Variants in ZC3H10 observed in about 807,000 individuals in gnomAD.
The protein encoded by ZC3H10 is zinc finger CCCH domain-containing protein 10.
In ZC3H10, 12 loss-of-function variants were observed where a neutral mutation model predicts 24.3. The observed-to-expected ratio is 0.49, with a 90% CI of 0.32 to 0.80. ZC3H10 has a LOEUF of 0.80. Among genes scored for constraint, ZC3H10 ranks in the 30% least tolerant of loss-of-function variants. The pLI is 0.04. For missense variants in ZC3H10, 360 were observed against 576.3 expected (o/e 0.62, Z 3.84); for synonymous variants, 226 against 217.0 (o/e 1.04, Z -0.36).
At position 56,122,848 on chromosome 12, in the gene ZC3H10, TTACA is replaced by T. The variant is rs1442637431; in HGVS notation, c.*984_*987del. 5 of 152,266 alleles carry T rather than the reference TTACA, an allele frequency of 3.3e-5. No individual in the cohort carries two copies. Among genetic ancestry groups the T allele is most frequent in the African/African-American group, 1.2e-4 (5 of 41,450 alleles). The allele number at this position is 152,266 out of a possible 1,614,324, so 9.4% of individuals were successfully genotyped here. A position where few individuals can be genotyped will look rare whatever the true frequency, so the allele number is the denominator to read the frequency against. On this transcript the variant is annotated 3_prime_UTR_variant, in exon 3 of 3. Transcript: ENST00000257940. ...TATTTGCTGAAATGCGGATGGGATG[TTACA>T]TAGTTGACAGATCCTTATTCAAACA...
chr12:56,121,672 T>A lies in ZC3H10; in HGVS notation c.1110T>A (p.Ala370=). 6.2e-7 allele frequency: 1 copy of A among 1,610,726 alleles called. No individual in the cohort carries two copies. The highest frequency in any genetic ancestry group is 8.5e-7 in the Non-Finnish European group (1 of 1,179,614). ...PEITPLSAAL[A]QTIAQGMAPP... ...TCACGCCACTGTCAGCTGCCCTGGC[T>A]CAAACAATTGCCCAGGGAATGGCAC... The change falls in exon 3 of 3, where the codon GCT becomes GCA. Residue 370 remains alanine (A), a synonymous_variant. Transcript: ENST00000257940. The surrounding 1 kb of genome is among the most constrained non-coding windows in gnomAD (Gnocchi z 6.2).
At chr12:56,120,437 C>G (rs777131727) in intron 2 of ZC3H10, 74 bp from the exon 3 acceptor site, 18 of 1,393,116 alleles carry the variant, frequency 1.3e-5, no homozygotes, top group Non-Finnish European at 1.7e-5. Flanking sequence ...CCCTCTGGGC[C>G]ACCTGCTTTA....
In ZC3H10 at chr12:56,122,999, G is replaced by T. The variant is rs1437368965; in HGVS notation, c.*1132G>T. The T allele has an allele frequency of 6.6e-6, 1 of 152,220 alleles. No individual in the cohort carries two copies. The highest frequency in any genetic ancestry group is 1.9e-4 in the East Asian group (1 of 5,196). The allele number at this position is 152,220 out of a possible 1,614,324, so 9.4% of individuals were successfully genotyped here. ...CAGTTCCTGAAGCCTTCAAGGCTTG[G>T]GAGGTCTGGGAAAAGAGAGTCCTTC... On this transcript the variant is annotated 3_prime_UTR_variant, in exon 3 of 3. Coordinates refer to ENST00000257940, the MANE Select transcript of ZC3H10 (RefSeq NM_032786.3).
chr12:56,118,786 C>T (rs1869717836), intron 1 of ZC3H10: 1 of 152,240 alleles, frequency 6.6e-6, no homozygotes, highest in African/African-American at 2.4e-5. Flanking sequence ...CTAGCCATTA[C>T]TAACTCCAGC....
rs1319843906 is a variant in ZC3H10, at chr12:56,122,410, G to C, written c.*543G>C. On this transcript the variant is annotated 3_prime_UTR_variant, in exon 3 of 3. Coordinates refer to ENST00000257940, the MANE Select transcript of ZC3H10 (RefSeq NM_032786.3). Reference sequence around the variant, plus strand: ...GTGCTCCAGCCCAAAGACTAGGGGAGCATTCATTACCCTAGTTTGACCTGA... The same window carrying C: ...GTGCTCCAGCCCAAAGACTAGGGGACCATTCATTACCCTAGTTTGACCTGA... 1.8e-5 allele frequency: 3 copies of C among 167,940 alleles called. No homozygotes were observed. In the East Asian group the frequency reaches 5.8e-4, roughly 32 times the overall value. 10.4% of individuals were successfully genotyped at this position (167,940 alleles called of 1,614,324 possible). A position where few individuals can be genotyped will look rare whatever the true frequency, so the allele number is the denominator to read the frequency against.
intron 1 of ZC3H10, 157 bp from the exon 2 acceptor site, chr12:56,118,931 A>C (rs754946600): frequency 6.6e-6 from 1 of 152,576 alleles, no homozygotes; most frequent in South Asian, 2.1e-4. Flanking sequence ...CTTACTGGCA[A>C]CTTCTCCCTT....
rs980281477 is a variant in ZC3H10 at position 56,124,155 on chromosome 12, C to T, written c.*2288C>T. On this transcript the variant is annotated 3_prime_UTR_variant, in exon 3 of 3. Transcript: ENST00000257940. ...AGAAGGGCAGACAAGTGAACCTAAG[C>T]ACAGTCGATGATGAAGTCACTCACT... 1 of 152,244 alleles carries T rather than the reference C, an allele frequency of 6.6e-6. No homozygotes were observed. The highest frequency in any genetic ancestry group is 2.4e-5 in the African/African-American group (1 of 41,456). 9.4% of individuals were successfully genotyped at this position (152,244 alleles called of 1,614,324 possible). A position where few individuals can be genotyped will look rare whatever the true frequency, so the allele number is the denominator to read the frequency against.
rs557450255 is a variant in ZC3H10, at chr12:56,124,118, A to G, written c.*2251A>G. On this transcript the variant is annotated 3_prime_UTR_variant, in exon 3 of 3. Coordinates refer to ENST00000257940, the MANE Select transcript of ZC3H10 (RefSeq NM_032786.3). ...TTAAGGGAATCCAGGATAATTGGGT[A>G]GCTTGTCTAGAAGAAGGGCAGACAA... The G allele has an allele frequency of 6.6e-6, 1 of 152,342 alleles. No individual in the cohort carries two copies. The highest frequency in any genetic ancestry group is 2.4e-5 in the African/African-American group (1 of 41,592). The allele number at this position is 152,342 out of a possible 1,614,324, so 9.4% of individuals were successfully genotyped here. A position where few individuals can be genotyped will look rare whatever the true frequency, so the allele number is the denominator to read the frequency against.
Position 56,120,772 on chromosome 12 carries a change from G to C in ZC3H10, c.210G>C (p.Gly70=), listed in dbSNP as rs1248205339. 1 of 1,614,174 alleles carries C rather than the reference G, an allele frequency of 6.2e-7. No homozygotes were observed. The highest frequency in any genetic ancestry group is 1.1e-5 in the South Asian group (1 of 91,080). ...ACATGAGCGAGGTGTCCAACTTGGG[G>C]GTGAGCAAAAACGAGTTCATCTTCT... The part of the protein sequence containing the change: ...HPDMSEVSNL[G]VSKNEFIFCH... Residue 70 remains glycine (G), a synonymous_variant, in exon 3 of 3, where the codon GGG becomes GGC. Coordinates refer to ENST00000257940, the MANE Select transcript of ZC3H10 (RefSeq NM_032786.3).
In ZC3H10 at chr12:56,121,951, CCT is replaced by C. The variant is rs1160230272; in HGVS notation, c.*85_*86del. ...GCCCACTCACCTAGCCTTCCCCATC[CCT>C]GTCTGAAGGGCTCCCTTGAGAACTA... is the stretch of plus-strand genomic sequence containing the variant. On this transcript the variant is annotated 3_prime_UTR_variant, in exon 3 of 3. Coordinates refer to ENST00000257940, the MANE Select transcript of ZC3H10 (RefSeq NM_032786.3). The surrounding 1 kb of genome is among the most constrained non-coding windows in gnomAD (Gnocchi z 6.2). 2.1e-6 allele frequency: 3 copies of C among 1,439,986 alleles called. No homozygotes were observed. The highest frequency in any genetic ancestry group is 2.8e-6 in the Non-Finnish European group (3 of 1,076,086). The allele number at this position is 1,439,986 out of a possible 1,614,324, so 89.2% of individuals were successfully genotyped here. A position where few individuals can be genotyped will look rare whatever the true frequency, so the allele number is the denominator to read the frequency against.
In ZC3H10 at chr12:56,123,894, G is replaced by A. The variant is rs1869920668; in HGVS notation, c.*2027G>A. ...TGTCTTGTATGTATTTACTCCAGCT[G>A]AAGACCACCAAGAATACACCTGGTA... On this transcript the variant is annotated 3_prime_UTR_variant, in exon 3 of 3. Coordinates refer to ENST00000257940, the MANE Select transcript of ZC3H10 (RefSeq NM_032786.3). 7 of 152,126 alleles carry A rather than the reference G, an allele frequency of 4.6e-5. No homozygotes were observed. The highest frequency in any genetic ancestry group is 4.6e-4 in the Admixed American group (7 of 15,284). 9.4% of individuals were successfully genotyped at this position (152,126 alleles called of 1,614,324 possible).
rs1869905200 is a variant in ZC3H10 at position 56,123,440 on chromosome 12, T to G, written c.*1573T>G. 6.6e-6 allele frequency: 1 copy of G among 151,450 alleles called. No individual in the cohort carries two copies. Among genetic ancestry groups the G allele is most frequent in the Non-Finnish European group, 1.5e-5 (1 of 67,818 alleles). The allele number at this position is 151,450 out of a possible 1,614,324, so 9.4% of individuals were successfully genotyped here. A position where few individuals can be genotyped will look rare whatever the true frequency, so the allele number is the denominator to read the frequency against. On this transcript the variant is annotated 3_prime_UTR_variant, in exon 3 of 3. Transcript: ENST00000257940. ...GGGACACAATTTTTTTTTTTTTTTT[T>G]GAGATGGAGTCTTGCCCAGTCACCA... is the stretch of plus-strand genomic sequence containing the variant.
At chr12:56,119,423 T>C (rs1348425244) in intron 2 of ZC3H10, 1 of 152,156 alleles carries the variant, frequency 6.6e-6, no homozygotes, top group Non-Finnish European at 1.5e-5. Flanking sequence ...TAGGGAGATC[T>C]GAAGGCAAAG....
At position 56,126,387 on chromosome 12, in the gene ZC3H10, C is replaced by T. The variant is rs1592242214; in HGVS notation, c.*4520C>T. On this transcript the variant is annotated 3_prime_UTR_variant, in exon 3 of 3. Coordinates refer to ENST00000257940, the MANE Select transcript of ZC3H10 (RefSeq NM_032786.3). ...AGCAGAATTGTCAGTGGGCGGGGACCCACCCTGTTTACTTGTGTTGGTAAC... is the reference window on the plus strand; with the variant it reads ...AGCAGAATTGTCAGTGGGCGGGGACTCACCCTGTTTACTTGTGTTGGTAAC... The T allele has an allele frequency of 6.6e-6, 1 of 152,176 alleles. No individual in the cohort carries two copies. Among genetic ancestry groups the T allele is most frequent in the Non-Finnish European group, 1.5e-5 (1 of 68,042 alleles). The allele number at this position is 152,176 out of a possible 1,614,324, so 9.4% of individuals were successfully genotyped here.
chr12:56,123,317 A>AG lies in ZC3H10; in HGVS notation c.*1452dup, dbSNP rs1388049017. Reference sequence around the variant, plus strand: ...CATCTGGGATTGGAGATGGTGGGCTAGGTCAAGGCCAGTCATTAAAAAAAA... The same window carrying AG: ...CATCTGGGATTGGAGATGGTGGGCTAGGGTCAAGGCCAGTCATTAAAAAAAA... On this transcript the variant is annotated 3_prime_UTR_variant, in exon 3 of 3. Transcript: ENST00000257940. 1 of 151,888 alleles carries AG rather than the reference A, an allele frequency of 6.6e-6. No individual in the cohort carries two copies. The highest frequency in any genetic ancestry group is 2.4e-5 in the African/African-American group (1 of 41,336). 9.4% of individuals were successfully genotyped at this position (151,888 alleles called of 1,614,324 possible).
At chr12:56,118,860 G>A in intron 1 of ZC3H10, 1 of 152,296 alleles carries the variant, frequency 6.6e-6, no homozygotes, top group East Asian at 1.9e-4. Context: ...CGCACTCTTT[G>A]TTCACTCAGG....
chr12:56,125,328 C>T lies in ZC3H10; in HGVS notation c.*3461C>T, dbSNP rs1869961447. The T allele has an allele frequency of 1.3e-5, 2 of 149,402 alleles. No individual in the cohort carries two copies. The highest frequency in any genetic ancestry group is 4.2e-4 in the South Asian group (2 of 4,736). 9.3% of individuals were successfully genotyped at this position (149,402 alleles called of 1,614,324 possible). On this transcript the variant is annotated 3_prime_UTR_variant, in exon 3 of 3. Transcript: ENST00000257940. ...TCTCTGCTCACTGCAAACTCTGCCTCCAGGGTTTACGCCATTCTGCTGCCT... is the reference window on the plus strand; with the variant it reads ...TCTCTGCTCACTGCAAACTCTGCCTTCAGGGTTTACGCCATTCTGCTGCCT...
Position 56,120,532 on chromosome 12 carries a change from TAAAG to T in ZC3H10, c.-27_-24del, listed in dbSNP as rs1206847798. On this transcript the variant is annotated 5_prime_UTR_variant, in exon 3 of 3. Transcript: ENST00000257940. ...GTAGTGGTCACCAAGAGTGGCAAGA[TAAAG>T]AAAACCCTGAGTTGGGCGGGACCAG... The T allele has an allele frequency of 4.6e-6, 7 of 1,507,020 alleles. No individual in the cohort carries two copies. The highest frequency in any genetic ancestry group is 1.4e-5 in the African/African-American group (1 of 71,790). 93.4% of individuals were successfully genotyped at this position (1,507,020 alleles called of 1,614,324 possible).
chr12:56,124,832 G>T lies in ZC3H10; in HGVS notation c.*2965G>T, dbSNP rs1014929560. 3 of 152,194 alleles carry T rather than the reference G, an allele frequency of 2.0e-5. No homozygotes were observed. Among genetic ancestry groups the T allele is most frequent in the Non-Finnish European group, 4.4e-5 (3 of 68,026 alleles). 9.4% of individuals were successfully genotyped at this position (152,194 alleles called of 1,614,324 possible). On this transcript the variant is annotated 3_prime_UTR_variant, in exon 3 of 3. Transcript: ENST00000257940. Reference sequence around the variant, plus strand: ...AACTAGTTTGAGGAACAATGTTAGAGATTTATATTAGCAATAATTCACATG... The same window carrying T: ...AACTAGTTTGAGGAACAATGTTAGATATTTATATTAGCAATAATTCACATG...
Sources: gnomAD v4.1 joint callset for allele counts on GRCh38, gnomAD v4.1.1 for gene constraint, Gnocchi (gnomAD v3.1) non-coding constraint, MANE v1.5 for transcripts, NCBI Gene and HGNC (gene_info 2026-07-23, HGNC 2026-07-21) for gene names.